The following TNR variants were observed in gnomAD, a reference collection of about 807,000 sequenced individuals.
TNR encodes the protein tenascin R.
Under a neutral mutation model 150.4 loss-of-function variants are expected in TNR, and 45 were observed. The ratio of observed to expected loss-of-function variants is 0.30; its 90% CI spans 0.24 to 0.38. The LOEUF (loss-of-function observed/expected upper bound fraction) is 0.38. Ranked by LOEUF, TNR falls within the 10% of genes least tolerant of loss-of-function variation. TNR has a pLI of 1.00. For missense variants in TNR, 1,544 were observed against 1,759.1 expected, an observed-to-expected ratio of 0.88 and a Z score of 2.19; for synonymous variants, 687 against 678.4, an observed-to-expected ratio of 1.01 and a Z score of -0.20.
chr1:175,681,435 T>C (rs946316062), intron 1 of TNR, among the ~76,000 whole-genome samples: 2 of 152,216 alleles, frequency 1.3e-5, no homozygotes, highest in Non-Finnish European at 2.9e-5. Context: ...TGGCAAACTA[T>C]GCTTGCAGCA....
intron 2 of TNR, among the ~76,000 whole-genome samples, chr1:175,505,243 C>G (rs6425350): frequency 0.11 from 16,952 of 152,264 alleles, 1,170 homozygotes; most frequent in Non-Finnish European, 0.17. Flanking sequence ...CGGCTCTGCG[C>G]CACAGTACGA....
intron 9 of TNR, among the ~76,000 whole-genome samples, chr1:175,375,557 AGG>A (rs1037724630): frequency 1.3e-5 from 2 of 152,048 alleles, no homozygotes; most frequent in African/African-American, 4.8e-5. Flanking sequence ...GGAGGTCAAG[AGG>A]GGGTACTTGC....
At chr1:175,493,758 G>A (rs978273751) in intron 2 of TNR, among the ~76,000 whole-genome samples, 1 of 152,198 alleles carries the variant, frequency 6.6e-6, no homozygotes, top group African/African-American at 2.4e-5. Context: ...ATGGGAGCCG[G>A]TGCCTGGGCA....
At chr1:175,399,836 T>G (rs1476775073) in intron 4 of TNR, among the ~76,000 whole-genome samples, 3 of 152,156 alleles carry the variant, frequency 2.0e-5, no homozygotes, top group Admixed American at 1.3e-4. Flanking sequence ...CTCTTTAGAT[T>G]TTGCATAAAT....
intron 1 of TNR, among the ~76,000 whole-genome samples, chr1:175,695,292 G>A (rs1234001806): frequency 6.6e-6 from 1 of 152,196 alleles, no homozygotes; most frequent in Non-Finnish European, 1.5e-5. Flanking sequence ...GCCCACAGCC[G>A]TGTAAGTGAG....
At chr1:175,598,371 T>C (rs943792834) in intron 1 of TNR, among the ~76,000 whole-genome samples, 2 of 152,244 alleles carry the variant, frequency 1.3e-5, no homozygotes, top group African/African-American at 2.4e-5. Context: ...ACTTCATTAG[T>C]TATATCATTG....
At chr1:175,529,692 G>C (rs536793900) in intron 1 of TNR, among the ~76,000 whole-genome samples, 1 of 152,276 alleles carries the variant, frequency 6.6e-6, no homozygotes, top group East Asian at 1.9e-4. Flanking sequence ...CAGCCTATTT[G>C]GGGGGCAGAT....
chr1:175,542,284 A>T (rs1326134018), intron 1 of TNR, among the ~76,000 whole-genome samples: 1 of 152,196 alleles, frequency 6.6e-6, no homozygotes, highest in Non-Finnish European at 1.5e-5. Flanking sequence ...TTTTATTTGT[A>T]AGTGTAAGCT....
intron 2 of TNR, among the ~76,000 whole-genome samples, chr1:175,514,220 C>T (rs1659312434): frequency 6.6e-6 from 1 of 152,098 alleles, no homozygotes; most frequent in Non-Finnish European, 1.5e-5. Flanking sequence ...AAGAGGGAGG[C>T]AAAAGAGGAA....
chr1:175,713,624 C>T (rs961368256), intron 1 of TNR, among the ~76,000 whole-genome samples: 2 of 152,172 alleles, frequency 1.3e-5, no homozygotes, highest in African/African-American at 4.8e-5. Context: ...ATCACCAAAA[C>T]CCAGGTCCTA....
At chr1:175,618,823 T>C (rs1301357993) in intron 1 of TNR, among the ~76,000 whole-genome samples, 2 of 152,228 alleles carry the variant, frequency 1.3e-5, no homozygotes, top group African/African-American at 4.8e-5. Flanking sequence ...GAGCTTCTAC[T>C]TTAGGCAATG....
chr1:175,701,862 T>G (rs537594513), intron 1 of TNR, among the ~76,000 whole-genome samples: 1 of 152,140 alleles, frequency 6.6e-6, no homozygotes. Context: ...CCCAGGTAAT[T>G]TGCATGCACA....
chr1:175,721,616 C>T (rs575997440), intron 1 of TNR, among the ~76,000 whole-genome samples: 2 of 152,134 alleles, frequency 1.3e-5, no homozygotes, highest in Non-Finnish European at 2.9e-5. Flanking sequence ...CTCCTGAAAC[C>T]TGCCTTCACC....
chr1:175,524,718 G>A (rs1237516814), intron 2 of TNR, among the ~76,000 whole-genome samples: 1 of 152,160 alleles, frequency 6.6e-6, no homozygotes, highest in African/African-American at 2.4e-5. Context: ...CGAAGGAGGA[G>A]GTGAGTTTGC....
chr1:175,574,442 A>G (rs1323377279), intron 1 of TNR, among the ~76,000 whole-genome samples: 1 of 152,170 alleles, frequency 6.6e-6, no homozygotes, highest in African/African-American at 2.4e-5. Context: ...AAAGAATCAC[A>G]CCATTTCCTC....
chr1:175,399,112 C>T (rs859448), intron 4 of TNR, among the ~76,000 whole-genome samples: 56,676 of 151,976 alleles, frequency 0.37, 10,911 homozygotes, highest in East Asian at 0.54. Context: ...ATAATTCAGA[C>T]GATCTTAATA....
intron 2 of TNR, among the ~76,000 whole-genome samples, chr1:175,503,138 G>A (rs1224294640): frequency 6.6e-6 from 1 of 152,168 alleles, no homozygotes; most frequent in Non-Finnish European, 1.5e-5. Context: ...ACGTTGCTGA[G>A]GATGACTGGG....
chr1:175,418,174 C>T (rs1654586037), intron 2 of TNR, among the ~76,000 whole-genome samples: 1 of 152,118 alleles, frequency 6.6e-6, no homozygotes, highest in Non-Finnish European at 1.5e-5. Flanking sequence ...GACTAGGTTC[C>T]ATTCTAGATG....
At chr1:175,721,539 C>G (rs1667300793) in intron 1 of TNR, among the ~76,000 whole-genome samples, 1 of 152,124 alleles carries the variant, frequency 6.6e-6, no homozygotes, top group Non-Finnish European at 1.5e-5. Flanking sequence ...CTCTTGAAAC[C>G]CGTTAGCTGT....
Sources: allele counts gnomAD v4.1 joint callset (sites outside exome capture counted in the v4.1 genomes callset), GRCh38; gene constraint gnomAD v4.1.1; transcripts MANE v1.5; gene names NCBI Gene and HGNC (gene_info 2026-07-23, HGNC 2026-07-21).